Variants in LARGE1 observed in about 807,000 individuals in gnomAD.
The protein encoded by LARGE1 is xylosyl- and glucuronyltransferase LARGE1.
Under a neutral mutation model 87.6 loss-of-function variants are expected in LARGE1, and 43 were observed. The observed-to-expected ratio is 0.49, with a 90% CI of 0.38 to 0.63. The LOEUF (loss-of-function observed/expected upper bound fraction) is 0.63, where lower values mean the gene tolerates loss of function less well. LARGE1 is among the 30% of genes least tolerant of loss of function. The pLI is 0.00. For synonymous variants in LARGE1, 434 were observed against 394.6 expected (o/e 1.10, Z -1.18); for missense variants, 802 against 1,000.2 (o/e 0.80, Z 2.67).
intron 2 of LARGE1, among the ~76,000 whole-genome samples, chr22:33,753,916 A>G (rs2008886): frequency 1 from 152,222 of 152,224 alleles, 76,110 homozygotes; most frequent in Non-Finnish European, 1. Context: ...AAAAAAAATA[A>G]CTGGGCATGG....
At chr22:33,432,002 A>C (rs2067097200) in intron 7 of LARGE1, among the ~76,000 whole-genome samples, 159 bp downstream of exon 7, 1 of 152,182 alleles carries the variant, frequency 6.6e-6, no homozygotes, top group Non-Finnish European at 1.5e-5. Context: ...TAGCACCAAG[A>C]AGGAACTGGA....
At chr22:33,139,929 G>A in the LARGE1 span, among the ~76,000 whole-genome samples, 1 of 152,294 alleles carries the variant, frequency 6.6e-6, no homozygotes, top group South Asian at 2.1e-4. Flanking sequence ...TGCAGAGGTG[G>A]TCTGATTCTT....
At chr22:33,789,317 C>G (rs907818640) in intron 1 of LARGE1, among the ~76,000 whole-genome samples, 1 of 152,200 alleles carries the variant, frequency 6.6e-6, no homozygotes, top group Non-Finnish European at 1.5e-5. Context: ...ATTTGGGAAC[C>G]CCTGCCTGGA....
chr22:33,910,771 C>CA (rs1265729192), intron 1 of LARGE1, among the ~76,000 whole-genome samples: 1 of 151,946 alleles, frequency 6.6e-6, no homozygotes, highest in Non-Finnish European at 1.5e-5. Context: ...TTGGATCCAG[C>CA]AAAAAAAGCA....
At chr22:33,785,020 CAT>C (rs1491401592) in intron 1 of LARGE1, among the ~76,000 whole-genome samples, 43 of 148,822 alleles carry the variant, frequency 2.9e-4, no homozygotes, top group African/African-American at 7.5e-4. Context: ...TGTATACATA[CAT>C]ATGTGTATAT....
rs546906083 is a variant in LARGE1, at chr22:33,480,246, G to A, written c.788-47981C>T. Among the ~76,000 whole-genome samples, 7 of 152,304 alleles carry A rather than the reference G, an allele frequency of 4.6e-5. No individual in the cohort carries two copies. The South Asian group carries it at 1.5e-3, about 32-fold the overall frequency. On this transcript the variant is annotated intron_variant, in intron 6 of 14. Transcript: ENST00000397394. ...GGCTGCGCCATCCCAGCTAGAGTGT[G>A]TTCTGCTAGAAATACAGAGAGTGAC...
chr22:33,796,398 G>A (rs572641669), intron 1 of LARGE1, among the ~76,000 whole-genome samples: 10 of 152,238 alleles, frequency 6.6e-5, no homozygotes, highest in Admixed American at 3.3e-4. Context: ...GACCAGCGTC[G>A]CCGACTTCTG....
intron 6 of LARGE1, among the ~76,000 whole-genome samples, chr22:33,498,930 C>G (rs894651078): frequency 6.6e-6 from 1 of 152,012 alleles, no homozygotes; most frequent in African/African-American, 2.4e-5. Context: ...CGAGATCGCG[C>G]CACTGCACTC....
chr22:33,384,113 C>T (rs1277412520), intron 8 of LARGE1, 79 bp downstream of exon 8: 31 of 996,194 alleles, frequency 3.1e-5, no homozygotes, highest in South Asian at 3.8e-5. Flanking sequence ...CCATTCAGAT[C>T]GATTTAATTT....
chr22:33,830,711 A>T (rs965102376), intron 1 of LARGE1, among the ~76,000 whole-genome samples: 8 of 152,100 alleles, frequency 5.3e-5, no homozygotes, highest in Non-Finnish European at 1.0e-4. Flanking sequence ...GGCTACTTTA[A>T]CTGAATACCA....
intron 4 of LARGE1, among the ~76,000 whole-genome samples, chr22:33,611,954 G>A (rs1254580691): frequency 6.6e-6 from 1 of 152,166 alleles, no homozygotes; most frequent in Non-Finnish European, 1.5e-5. Context: ...CATGTGATGT[G>A]CCTGCTCCTT....
intron 6 of LARGE1, among the ~76,000 whole-genome samples, chr22:33,469,447 T>C (rs1159239295): frequency 6.6e-6 from 1 of 152,126 alleles, no homozygotes; most frequent in African/African-American, 2.4e-5. Context: ...AATGTTTACC[T>C]CCAATAAGTG....
chr22:33,640,573 C>T (rs1185681380), intron 3 of LARGE1, among the ~76,000 whole-genome samples: 2 of 152,092 alleles, frequency 1.3e-5, no homozygotes, highest in Non-Finnish European at 2.9e-5. Context: ...GCTGGAATCC[C>T]AGTGAGACAG....
chr22:33,630,588 AAT>A (rs1358977654), intron 3 of LARGE1, among the ~76,000 whole-genome samples: 1 of 152,132 alleles, frequency 6.6e-6, no homozygotes, highest in East Asian at 1.9e-4. Flanking sequence ...GTAAAAATAT[AAT>A]ATAAGAGAAA....
At chr22:33,237,499 C>T (rs1602131947) in intron 11 of LARGE1, among the ~76,000 whole-genome samples, 1 of 150,640 alleles carries the variant, frequency 6.6e-6, no homozygotes, top group East Asian at 1.9e-4. Context: ...AGAATTACTC[C>T]CCCTGAAAAA....
chr22:33,112,893 C>G, the LARGE1 span, among the ~76,000 whole-genome samples: 1 of 152,296 alleles, frequency 6.6e-6, no homozygotes, highest in East Asian at 1.9e-4. Flanking sequence ...TCTCTGTCTT[C>G]TCTGCCAGGA....
At chr22:33,707,490 T>C (rs1401722384) in intron 2 of LARGE1, among the ~76,000 whole-genome samples, 1 of 152,246 alleles carries the variant, frequency 6.6e-6, no homozygotes, top group African/African-American at 2.4e-5. Flanking sequence ...TGGCTATATT[T>C]CTGATGCAAA....
At chr22:33,500,665 CT>C (rs1440561946) in intron 6 of LARGE1, among the ~76,000 whole-genome samples, 1 of 152,130 alleles carries the variant, frequency 6.6e-6, no homozygotes, top group Non-Finnish European at 1.5e-5. Context: ...CACTCTAAGT[CT>C]TTGTGTCCTC....
intron 5 of LARGE1, among the ~76,000 whole-genome samples, chr22:33,578,379 G>A (rs1238300148): frequency 2.0e-5 from 3 of 151,932 alleles, no homozygotes; most frequent in African/African-American, 4.8e-5. Context: ...ACCTAATTCC[G>A]AAAGTGAGTC....
Sources: gnomAD v4.1 joint callset for allele counts (sites outside exome capture counted in the v4.1 genomes callset) on GRCh38, gnomAD v4.1.1 for gene constraint, MANE v1.5 for transcripts, NCBI Gene and HGNC (gene_info 2026-07-23, HGNC 2026-07-21) for gene names.